Variants in LRP1B observed in about 807,000 individuals in gnomAD.
LRP1B encodes the protein low-density lipoprotein receptor-related protein 1B.
LRP1B carries 217 observed loss-of-function variants against 556.6 expected under a neutral mutation model. The ratio of observed to expected loss-of-function variants is 0.39; its 90% CI spans 0.35 to 0.44. LRP1B has a LOEUF of 0.44. LRP1B is among the 20% of genes least tolerant of loss of function. The pLI, the probability that LRP1B is intolerant of heterozygous loss-of-function variation, is 1.00. For synonymous variants in LRP1B, 2,047 were observed against 1,865.8 expected, an observed-to-expected ratio of 1.10 and a Z score of -2.50; for missense variants, 5,053 against 5,620.8, an observed-to-expected ratio of 0.90 and a Z score of 3.23.
intron 18 of LRP1B, among the ~76,000 whole-genome samples, chr2:140,956,534 T>C (rs957579300): frequency 3.0e-4 from 45 of 151,720 alleles, no homozygotes; most frequent in Non-Finnish European, 1.9e-4. Context: ...ATTCACTAGA[T>C]TCACTGAGAA....
In LRP1B at chr2:141,753,263, CAT is replaced by C. The variant is rs144027196; in HGVS notation, c.205+57014_205+57015del. On this transcript the variant is annotated intron_variant, in intron 2 of 90. Transcript: ENST00000389484. ...AACACACACACTCTCTCTCTCTCTC[CAT>C]ATATATATATATATATATCCCAGAT... is the stretch of plus-strand genomic sequence containing the variant. Among the ~76,000 whole-genome samples the C allele has an allele frequency of 1.6e-3, 100 of 62,398 alleles. 6 individuals carry two copies. Among genetic ancestry groups the C allele is most frequent in the South Asian group, 2.3e-3 (4 of 1,708 alleles). 40.9% of individuals were successfully genotyped at this position (62,398 alleles called of 152,430 possible).
At chr2:141,620,943 C>A (rs1482115819) in intron 2 of LRP1B, among the ~76,000 whole-genome samples, 3 of 16,164 alleles carry the variant, frequency 1.9e-4, no homozygotes, top group African/African-American at 2.1e-4. Context: ...TTTCATTAAC[C>A]TTTTAATAAA....
intron 1 of LRP1B, among the ~76,000 whole-genome samples, chr2:141,837,344 T>A (rs1491001689): frequency 2.0e-5 from 3 of 152,064 alleles, no homozygotes; most frequent in African/African-American, 7.2e-5. Context: ...GTCACTTTTT[T>A]AACCTTTATT....
chr2:141,620,368 A>G (rs558327569), intron 2 of LRP1B, among the ~76,000 whole-genome samples: 11 of 152,388 alleles, frequency 7.2e-5, no homozygotes, highest in Middle Eastern at 3.4e-3. Flanking sequence ...AAACCATTAC[A>G]TAGCTTTGAT....
chr2:140,577,085 T>G (rs1178038159), intron 43 of LRP1B, among the ~76,000 whole-genome samples: 8 of 152,178 alleles, frequency 5.3e-5, no homozygotes, highest in African/African-American at 1.9e-4. Flanking sequence ...TCAGTCCATG[T>G]TCCATCGCAC....
At chr2:140,502,437 T>C (rs1334291360) in intron 54 of LRP1B, among the ~76,000 whole-genome samples, 31 of 152,104 alleles carry the variant, frequency 2.0e-4, no homozygotes, top group Non-Finnish European at 7.4e-5. Context: ...AGAAAGCCCA[T>C]TATCATGTAA....
At chr2:141,403,286 T>A (rs537018709) in intron 3 of LRP1B, among the ~76,000 whole-genome samples, 43 of 152,264 alleles carry the variant, frequency 2.8e-4, no homozygotes, top group Middle Eastern at 3.4e-3. Context: ...GATAAAATTA[T>A]CAGTTTCTAT....
chr2:141,073,270 A>G (rs13019099), intron 7 of LRP1B, among the ~76,000 whole-genome samples: 132,846 of 152,032 alleles, frequency 0.87, 58,311 homozygotes, highest in Non-Finnish European at 0.91. Context: ...GTATTTTCAT[A>G]TGGTTAAAAC....
chr2:140,241,461 C>G (rs961535291), intron 87 of LRP1B, among the ~76,000 whole-genome samples: 1 of 150,566 alleles, frequency 6.6e-6, no homozygotes, highest in Non-Finnish European at 1.5e-5. Flanking sequence ...AATTATAAAT[C>G]ATTTTTTAAA....
chr2:140,358,397 A>G (rs981180729), intron 73 of LRP1B, among the ~76,000 whole-genome samples: 6 of 151,802 alleles, frequency 4.0e-5, no homozygotes, highest in Non-Finnish European at 7.4e-5. Context: ...AAATGGCTCC[A>G]ATTAGGTCAG....
chr2:140,466,792 A>G (rs1687566754), intron 60 of LRP1B, among the ~76,000 whole-genome samples: 1 of 152,228 alleles, frequency 6.6e-6, no homozygotes, highest in Non-Finnish European at 1.5e-5. Flanking sequence ...CTCAAGGTCA[A>G]ACGTAACTTT....
At chr2:140,240,385 G>T (rs1680895771) in intron 87 of LRP1B, among the ~76,000 whole-genome samples, 1 of 150,580 alleles carries the variant, frequency 6.6e-6, no homozygotes, top group Non-Finnish European at 1.5e-5. Flanking sequence ...TCTGAGCACA[G>T]GGAGGAGGCA....
At chr2:142,075,845 C>A (rs1410697504) in intron 1 of LRP1B, among the ~76,000 whole-genome samples, 1 of 152,108 alleles carries the variant, frequency 6.6e-6, no homozygotes, top group East Asian at 1.9e-4. Flanking sequence ...TTTTCAATCA[C>A]AATCAAAACT....
chr2:141,703,477 A>G (rs572840944), intron 2 of LRP1B, among the ~76,000 whole-genome samples: 8 of 152,000 alleles, frequency 5.3e-5, no homozygotes, highest in Non-Finnish European at 1.2e-4. Context: ...TCACAAGAAC[A>G]TCATTCATCT....
intron 41 of LRP1B, among the ~76,000 whole-genome samples, chr2:140,672,220 G>A (rs1685509266): frequency 6.6e-6 from 1 of 152,174 alleles, no homozygotes; most frequent in Admixed American, 6.5e-5. Context: ...GGGCTCAGTG[G>A]CTCACGCCTG....
chr2:141,365,442 A>G (rs1346277784), intron 3 of LRP1B, among the ~76,000 whole-genome samples: 5 of 150,990 alleles, frequency 3.3e-5, no homozygotes, highest in African/African-American at 1.2e-4. Context: ...AAAGAATGAA[A>G]CATGTTCTAA....
At position 140,918,537 on chromosome 2, in the gene LRP1B, GT is replaced by G. The variant is rs556340108; in HGVS notation, c.3319+4427del. On this transcript the variant is annotated intron_variant, in intron 21 of 90. Transcript: ENST00000389484. ...GTTCACCAATCTCCCTGAAAGCAAA[GT>G]GTCTGCTTCCTGTACTCTCACCAGC... Among the ~76,000 whole-genome samples the G allele has an allele frequency of 1.7e-4, 26 of 152,216 alleles. No individual in the cohort carries two copies. The East Asian group carries it at 3.3e-3, about 19-fold the overall frequency.
intron 3 of LRP1B, among the ~76,000 whole-genome samples, chr2:141,337,491 C>T (rs1013307814): frequency 3.1e-5 from 3 of 96,644 alleles, no homozygotes; most frequent in Non-Finnish European, 4.6e-5. Context: ...TATTTTGTCT[C>T]AGTCTGTAGC....
At position 140,850,124 on chromosome 2, in the gene LRP1B, C is replaced by T. The variant is rs199598164; in HGVS notation, c.4917G>A (p.Gly1639=). ...TIKRAFINGT[G]LETVISRDIQ... ...TACCTCTTGAAATAACAGTTTCTAA[C>T]CCAGTTCCGTTAATAAAAGCTCGTT... is the stretch of plus-strand genomic sequence containing the variant. Residue 1639 remains glycine (G), a synonymous_variant, in exon 29 of 91, where the codon GGG becomes GGA. Transcript: ENST00000389484. 1 of 1,610,908 alleles carries T rather than the reference C, an allele frequency of 6.2e-7. No homozygotes were observed. The highest frequency in any genetic ancestry group is 1.1e-5 in the South Asian group (1 of 90,894).
Sources: gnomAD v4.1 joint callset for allele counts (sites outside exome capture counted in the v4.1 genomes callset) on GRCh38, gnomAD v4.1.1 for gene constraint, MANE v1.5 for transcripts, NCBI Gene and HGNC (gene_info 2026-07-23, HGNC 2026-07-21) for gene names.